CIMIP2A: variants seen among roughly 807,000 people sequenced by gnomAD.
CIMIP2A encodes the protein family with sequence similarity 166 member A.
At chr9:137,248,311 G>A in the CIMIP2A span, among the ~76,000 whole-genome samples, 26 of 152,324 alleles carry the variant, frequency 1.7e-4, no homozygotes, top group African/African-American at 6.3e-4. Flanking sequence ...ACTTTGGGAG[G>A]CCGAGGCAGG....
At chr9:137,245,931 G>A in the CIMIP2A span, 5 of 1,225,018 alleles carry the variant, frequency 4.1e-6, no homozygotes, top group African/African-American at 7.5e-5. Flanking sequence ...CAAGCCAGAT[G>A]TGGATTCAGC....
the CIMIP2A span, chr9:137,245,285 C>T: frequency 6.3e-7 from 1 of 1,579,658 alleles, no homozygotes; most frequent in Non-Finnish European, 8.6e-7. Flanking sequence ...ATGGGCTTGG[C>T]ACTGGTGCAT....
At chr9:137,254,577 GGAAA>G in the CIMIP2A span, among the ~76,000 whole-genome samples, 1 of 152,244 alleles carries the variant, frequency 6.6e-6, no homozygotes, top group Middle Eastern at 3.2e-3. Flanking sequence ...CTGGGCAGCG[GGAAA>G]GAAATTTCTA....
chr9:137,252,494 C>G, the CIMIP2A span: 48 of 1,608,634 alleles, frequency 3.0e-5, no homozygotes, highest in Non-Finnish European at 3.9e-5. Flanking sequence ...AGCCCCTTCA[C>G]GCAGAAAGCT....
chr9:137,244,365 T>TGGCCGGAG, the CIMIP2A span: 1 of 1,601,466 alleles, frequency 6.2e-7, no homozygotes, highest in East Asian at 2.2e-5. Context: ...AGTGGGGGCC[T>TGGCCGGAG]GGCCGGAGGG....
the CIMIP2A span, chr9:137,251,609 T>G: frequency 3.5e-6 from 4 of 1,150,286 alleles, no homozygotes; most frequent in South Asian, 4.5e-5. Flanking sequence ...AGGGACAGTG[T>G]GGGGACAGGC....
chr9:137,252,383 A>C, the CIMIP2A span: 1 of 1,548,570 alleles, frequency 6.5e-7, no homozygotes, highest in Non-Finnish European at 8.8e-7. Flanking sequence ...TCGAGTGGGG[A>C]CTGTCACCTG....
At chr9:137,245,247 G>A in the CIMIP2A span, 8 of 1,578,434 alleles carry the variant, frequency 5.1e-6, 1 homozygote, top group Middle Eastern at 3.4e-4. Flanking sequence ...GGAGGTCACG[G>A]TGCAGCTCCC....
At chr9:137,253,585 C>T in the CIMIP2A span, 3 of 1,136,156 alleles carry the variant, frequency 2.6e-6, no homozygotes, top group Non-Finnish European at 3.5e-6. Flanking sequence ...GGTCTCCATT[C>T]AGCTGCCCCT....
At chr9:137,252,067 C>G in the CIMIP2A span, 14 of 1,612,926 alleles carry the variant, frequency 8.7e-6, no homozygotes, top group East Asian at 2.0e-4. Context: ...TACCAGGTGC[C>G]GAGCCCGTCC....
the CIMIP2A span, chr9:137,243,658 T>C: frequency 3.7e-6 from 6 of 1,614,108 alleles, no homozygotes; most frequent in Non-Finnish European, 5.1e-6. Flanking sequence ...CTGTTTTCCC[T>C]GTCCACATCC....
the CIMIP2A span, among the ~76,000 whole-genome samples, chr9:137,247,367 G>A: frequency 1.3e-5 from 2 of 152,260 alleles, no homozygotes; most frequent in East Asian, 1.9e-4. Context: ...GGCCTCTGCC[G>A]GCTGCTGGCT....
At chr9:137,247,040 C>A in the CIMIP2A span, among the ~76,000 whole-genome samples, 1 of 152,132 alleles carries the variant, frequency 6.6e-6, no homozygotes, top group Non-Finnish European at 1.5e-5. Context: ...CATCCCAGCA[C>A]TTTGGGAGGC....
At chr9:137,249,694 G>A in the CIMIP2A span, among the ~76,000 whole-genome samples, 2 of 152,236 alleles carry the variant, frequency 1.3e-5, no homozygotes, top group Non-Finnish European at 2.9e-5. Context: ...TGAGGCTCAG[G>A]GAACTTCTGG....
the CIMIP2A span, among the ~76,000 whole-genome samples, chr9:137,247,316 G>A: frequency 1.3e-5 from 2 of 152,254 alleles, no homozygotes; most frequent in African/African-American, 2.4e-5. Flanking sequence ...GAAATGAAGT[G>A]TGGAGTCCTC....
At chr9:137,245,190 G>A in the CIMIP2A span, 6 of 889,054 alleles carry the variant, frequency 6.7e-6, no homozygotes, top group East Asian at 4.9e-5. Context: ...GGCGGGGGGT[G>A]GGTACTCATC....
At chr9:137,253,366 C>G in the CIMIP2A span, 5 of 1,534,554 alleles carry the variant, frequency 3.3e-6, no homozygotes, top group Non-Finnish European at 4.4e-6. Context: ...CCTCTGGGCA[C>G]CCCGATGCAC....
chr9:137,247,929 G>T, the CIMIP2A span, among the ~76,000 whole-genome samples: 1 of 152,208 alleles, frequency 6.6e-6, no homozygotes, highest in African/African-American at 2.4e-5. Flanking sequence ...GTTGCGGTGA[G>T]GCAGGTGGTC....
the CIMIP2A span, chr9:137,245,346 C>G: frequency 6.2e-7 from 1 of 1,605,090 alleles, no homozygotes; most frequent in Non-Finnish European, 8.5e-7. Flanking sequence ...GAGTGGCGCT[C>G]TTCCAGGCCT....
Sources: allele counts gnomAD v4.1 joint callset (sites outside exome capture counted in the v4.1 genomes callset), GRCh38; gene constraint gnomAD v4.1.1; transcripts MANE v1.5; gene names NCBI Gene and HGNC (gene_info 2026-07-23, HGNC 2026-07-21).